Variants in SUPT6H observed in about 807,000 individuals in gnomAD.
The protein encoded by SUPT6H is SPT6 homolog, histone chaperone and transcription elongation factor.
Under a neutral mutation model 222.3 loss-of-function variants are expected in SUPT6H, and 11 were observed. The ratio of observed to expected loss-of-function variants is 0.05; its 90% CI spans 0.03 to 0.08. The LOEUF (loss-of-function observed/expected upper bound fraction) is 0.08. Ranked by LOEUF, SUPT6H falls within the 10% of genes least tolerant of loss-of-function variation. SUPT6H has a pLI of 1.00. For missense variants in SUPT6H, 1,422 were observed against 2,216.0 expected (o/e 0.64, Z 7.19); for synonymous variants, 762 against 801.2 (o/e 0.95, Z 0.83).
intron 36 of SUPT6H, 79 bp from the exon 37 acceptor site, chr17:28,701,360 C>G: frequency 6.5e-7 from 1 of 1,546,998 alleles, no homozygotes; most frequent in Non-Finnish European, 8.8e-7. Flanking sequence ...TATGAGGTTC[C>G]TTTCTGCAAG....
intron 1 of SUPT6H, among the ~76,000 whole-genome samples, chr17:28,667,262 T>C (rs2030084155): frequency 6.8e-6 from 1 of 146,948 alleles, no homozygotes; most frequent in East Asian, 2.0e-4. Context: ...TCCCAGCTGC[T>C]TGGGAGGTTG....
Position 28,697,719 on chromosome 17 carries a change from G to C in SUPT6H, c.4309G>C (p.Gly1437Arg), listed in dbSNP as rs190961772. The C allele has an allele frequency of 5.6e-6, 9 of 1,614,174 alleles. No individual in the cohort carries two copies. Among genetic ancestry groups the C allele is most frequent in the Non-Finnish European group, 7.6e-6 (9 of 1,180,014 alleles). Residue 1437 changes from glycine to arginine, a missense_variant, in exon 31 of 37, where the codon GGT becomes CGT. This residue lies in a region of SUPT6H where 395 missense variants were observed against 580.6 expected (regional missense o/e 0.68). Transcript: ENST00000314616. Reference protein sequence around the residue: ...LNHKYYQDCSGGDRKKLEELL... With the variant: ...LNHKYYQDCSRGDRKKLEELL... Reference sequence around the variant, plus strand: ...TCACAAGTATTATCAGGACTGCAGCGGTGGGGACCGCAAGGTAAGCCCAGG... The same window carrying C: ...TCACAAGTATTATCAGGACTGCAGCCGTGGGGACCGCAAGGTAAGCCCAGG...
In SUPT6H at chr17:28,700,461, C is replaced by G; in HGVS notation, c.4755C>G (p.Ala1585=). ...QNPNATPAQW[A]SSQYGYGGSG... The stretch of plus-strand genomic sequence containing the variant: ...CTAATGCCACCCCAGCCCAGTGGGC[C>G]TCCAGCCAGTACGGCTATGGCGGCA... Residue 1585 remains alanine (A), a synonymous_variant, in exon 35 of 37, where the codon GCC becomes GCG. Coordinates refer to ENST00000314616, the MANE Select transcript of SUPT6H (RefSeq NM_003170.5). 6.2e-7 allele frequency: 1 copy of G among 1,614,210 alleles called. No homozygotes were observed. The highest frequency in any genetic ancestry group is 1.1e-5 in the South Asian group (1 of 91,082).
In SUPT6H at chr17:28,700,452, C is replaced by G; in HGVS notation, c.4746C>G (p.Ala1582=). The stretch of plus-strand genomic sequence containing the variant: ...GACAGAACCCTAATGCCACCCCAGC[C>G]CAGTGGGCCTCCAGCCAGTACGGCT... ...GQGQNPNATP[A]QWASSQYGYG... The change falls in exon 35 of 37, where the codon GCC becomes GCG. Residue 1582 remains alanine (A), a synonymous_variant. Coordinates refer to ENST00000314616, the MANE Select transcript of SUPT6H (RefSeq NM_003170.5). 1 of 1,614,260 alleles carries G rather than the reference C, an allele frequency of 6.2e-7. No homozygotes were observed. The highest frequency in any genetic ancestry group is 8.5e-7 in the Non-Finnish European group (1 of 1,180,048).
chr17:28,687,758 T>C (rs898468276), intron 23 of SUPT6H, among the ~76,000 whole-genome samples: 1 of 152,084 alleles, frequency 6.6e-6, no homozygotes, highest in African/African-American at 2.4e-5. Flanking sequence ...CCCCAGGTGA[T>C]CCACCCGCCT....
In SUPT6H at chr17:28,701,696, T is replaced by C. The variant is rs2032144406; in HGVS notation, c.*71T>C. The C allele has an allele frequency of 2.7e-6, 4 of 1,470,208 alleles. No homozygotes were observed. Among genetic ancestry groups the C allele is most frequent in the Non-Finnish European group, 3.7e-6 (4 of 1,086,266 alleles). 91.1% of individuals were successfully genotyped at this position (1,470,208 alleles called of 1,614,324 possible). A position where few individuals can be genotyped will look rare whatever the true frequency, so the allele number is the denominator to read the frequency against. ...CCTGGCTGCCCACTGCCTCCCTCCC[T>C]GCCCCTCCTTTTATGTCCATAAAGT... is the stretch of plus-strand genomic sequence containing the variant. On this transcript the variant is annotated 3_prime_UTR_variant, in exon 37 of 37. Transcript: ENST00000314616.
chr17:28,689,296 G>A, intron 24 of SUPT6H, 58 bp from the exon 25 acceptor site: 3 of 1,543,910 alleles, frequency 1.9e-6, no homozygotes, highest in Non-Finnish European at 2.7e-6. Context: ...GTGGACATTT[G>A]GGTTGTTACT....
At position 28,681,128 on chromosome 17, in the gene SUPT6H, T is replaced by C. The variant is rs1011379209; in HGVS notation, c.1350-128T>C. 8 of 918,032 alleles carry C rather than the reference T, an allele frequency of 8.7e-6. No homozygotes were observed. In the East Asian group the frequency reaches 2.0e-4, roughly 23 times the overall value. The allele number at this position is 918,032 out of a possible 1,614,324, so 56.9% of individuals were successfully genotyped here. A position where few individuals can be genotyped will look rare whatever the true frequency, so the allele number is the denominator to read the frequency against. On this transcript the variant is annotated intron_variant, in intron 11 of 36. Coordinates refer to ENST00000314616, the MANE Select transcript of SUPT6H (RefSeq NM_003170.5). Reference sequence around the variant, plus strand: ...AAATAATAACAATAGTAATAATAATTGGAAAAAACTGGTTGGGATCCCATT... The same window carrying C: ...AAATAATAACAATAGTAATAATAATCGGAAAAAACTGGTTGGGATCCCATT...
Position 28,689,450 on chromosome 17 carries a change from T to C in SUPT6H, c.3231T>C (p.Asp1077=), listed in dbSNP as rs745475952. ...TGGCAGTGGATGCCCTGGAATACGA[T>C]GAATCAGCCGAGGATGCCAATCCTG... ...RKMAVDALEY[D]ESAEDANPAG... is the part of the protein sequence containing the mutation. The change falls in exon 25 of 37, where the codon GAT becomes GAC. Residue 1077 remains aspartate (D), a synonymous_variant. Transcript: ENST00000314616. 4 of 1,614,222 alleles carry C rather than the reference T, an allele frequency of 2.5e-6. No homozygotes were observed. The Admixed American group carries it at 6.7e-5, about 27-fold the overall frequency.
chr17:28,690,284 A>G, intron 26 of SUPT6H, 55 bp downstream of exon 26: 2 of 1,589,812 alleles, frequency 1.3e-6, no homozygotes, highest in Non-Finnish European at 1.7e-6. Context: ...TACTGTGTAC[A>G]TTCAAACCAA....
intron 8 of SUPT6H, 90 bp from the exon 9 acceptor site, chr17:28,677,986 G>C (rs893806141): frequency 7.0e-7 from 1 of 1,419,502 alleles, no homozygotes; most frequent in Non-Finnish European, 9.8e-7. Flanking sequence ...ATTTCATCTA[G>C]AAAGGTTATC....
At chr17:28,673,261 A>G in intron 1 of SUPT6H, 110 bp from the exon 2 acceptor site, 3 of 610,144 alleles carry the variant, frequency 4.9e-6, no homozygotes, top group Non-Finnish European at 8.8e-6. Flanking sequence ...GGGAATGTTG[A>G]GTGGGCAGAG....
intron 25 of SUPT6H, 22 bp downstream of exon 25, chr17:28,689,583 C>G (rs1198823775): frequency 3.1e-6 from 5 of 1,611,952 alleles, no homozygotes; most frequent in Non-Finnish European, 4.2e-6. Flanking sequence ...CATGGAAGGC[C>G]CGGCAGGAGA....
At chr17:28,676,726 G>A (rs761945914) in intron 7 of SUPT6H, among the ~76,000 whole-genome samples, 49 of 152,226 alleles carry the variant, frequency 3.2e-4, no homozygotes, top group Admixed American at 5.2e-4. Flanking sequence ...AGGAACTCAA[G>A]ACCAGCCTGG....
At chr17:28,689,168 A>T in intron 24 of SUPT6H, 186 bp from the exon 25 acceptor site, 2 of 590,414 alleles carry the variant, frequency 3.4e-6, no homozygotes, top group Non-Finnish European at 5.9e-6. Context: ...TTCACGTATC[A>T]ATATATTGTG....
In SUPT6H at chr17:28,686,355, C is replaced by T. The variant is rs149704738; in HGVS notation, c.2504C>T (p.Thr835Met). 84 of 1,614,042 alleles carry T rather than the reference C, an allele frequency of 5.2e-5. No individual in the cohort carries two copies. The highest frequency in any genetic ancestry group is 6.4e-5 in the Non-Finnish European group (75 of 1,180,016). ...TCAATCCAGGCTCAAGACATTGAAA[C>T]GCTAAAGAAATTTCTCCTGAATAAG... ...EREKKAQDIE[T>M]LKKFLLNKKP... Residue 835 changes from threonine to methionine, a missense_variant, in exon 20 of 37, where the codon ACG (threonine) becomes ATG (methionine). Physicochemically the swap from Thr to Met is moderately conservative, Grantham distance 81. This residue lies in a region of SUPT6H where 294 missense variants were observed against 382.1 expected (regional missense o/e 0.77). Transcript: ENST00000314616.
In SUPT6H at chr17:28,681,275, A is replaced by G. The variant is rs200870395; in HGVS notation, c.1369A>G (p.Met457Val). ...TTTCAGGCTCAAGGATGTCCAATCA[A>G]TGGATGAGCTGAAAGATGTCTACAA... ...DMERLKDVQS[M>V]DELKDVYNHF... Residue 457 changes from methionine (M) to valine (V), a missense_variant, in exon 12 of 37, where the codon ATG becomes GTG. Met to Val is a conservative substitution (Grantham distance 21). Around this residue, in one of 13 missense-constraint regions of SUPT6H, gnomAD observed 389 missense variants for 544.6 expected, o/e 0.71. Transcript: ENST00000314616. The G allele has an allele frequency of 1.5e-4, 235 of 1,613,984 alleles. 1 individual carries two copies. The highest frequency in any genetic ancestry group is 5.0e-4 in the Middle Eastern group (3 of 5,954).
At chr17:28,693,647 G>T in intron 27 of SUPT6H, 49 bp from the exon 28 acceptor site, 1 of 1,606,932 alleles carries the variant, frequency 6.2e-7, no homozygotes. Context: ...CTGAATGAGC[G>T]ATCTCCAGAA....
chr17:28,696,926 C>G lies in SUPT6H; in HGVS notation c.4053C>G (p.Asp1351Glu), dbSNP rs767852962. 3 of 1,613,904 alleles carry G rather than the reference C, an allele frequency of 1.9e-6. No homozygotes were observed. The highest frequency in any genetic ancestry group is 1.7e-5 in the Admixed American group (1 of 59,984). Residue 1351 changes from aspartate (D) to glutamate (E), a missense_variant, in exon 30 of 37, where the codon GAC becomes GAG. Transcript: ENST00000314616. ...KQAEKMMETMDQGDVIIRPSS... is the reference protein window; with the variant it reads ...KQAEKMMETMEQGDVIIRPSS... The stretch of plus-strand genomic sequence containing the variant: ...CAGAAAAGATGATGGAGACCATGGA[C>G]CAGGGTGATGTGATTATCCGACCAA...
Sources: gnomAD v4.1 joint callset for allele counts (sites outside exome capture counted in the v4.1 genomes callset) on GRCh38, gnomAD v4.1.1 for gene constraint, gnomAD v4.1.1 regional missense constraint, MANE v1.5 for transcripts, NCBI Gene and HGNC (gene_info 2026-07-23, HGNC 2026-07-21) for gene names.